Variants in TTF1 observed in about 807,000 individuals in gnomAD.
TTF1 encodes the protein transcription termination factor, RNA polymerase I.
Under a neutral mutation model 80.2 loss-of-function variants are expected in TTF1, and 64 were observed. That is an observed-to-expected ratio of 0.80 (90% CI 0.65 to 0.98). The LOEUF is 0.98. TTF1 is among the 50% of genes least tolerant of loss of function. TTF1 has a pLI of 0.00. For missense variants in TTF1, 1,023 were observed against 1,086.2 expected (o/e 0.94, Z 0.82); for synonymous variants, 372 against 382.7 (o/e 0.97, Z 0.33).
rs781358686 is a variant in TTF1, at chr9:132,400,068, C to T, written c.1558G>A (p.Asp520Asn). 15 of 1,614,190 alleles carry T rather than the reference C, an allele frequency of 9.3e-6. No individual in the cohort carries two copies. The East Asian group carries it at 1.1e-4, about 12-fold the overall frequency. Residue 520 changes from aspartate (D) to asparagine (N), a missense_variant, in exon 3 of 11, where the codon GAC becomes AAC. By Grantham distance (23) the Asp-to-Asn change is conservative. Transcript: ENST00000334270. ...TSTIKRMYRD[D>N]LERFKEFKAQ... is the part of the protein sequence containing the mutation. ...TTAAATTCCTTAAACCGTTCCAAGTCGTCCCGGTACATCCGCTTGATTGTG... is the reference window on the plus strand; with the variant it reads ...TTAAATTCCTTAAACCGTTCCAAGTTGTCCCGGTACATCCGCTTGATTGTG...
rs573189568 is a variant in TTF1 at position 132,391,931 on chromosome 9, A to G, written c.1987+145T>C. 259 of 1,354,032 alleles carry G rather than the reference A, an allele frequency of 1.9e-4. 1 individual carries two copies. The highest frequency in any genetic ancestry group is 2.5e-4 in the Non-Finnish European group (250 of 1,015,102). 83.9% of individuals were successfully genotyped at this position (1,354,032 alleles called of 1,614,324 possible). A position where few individuals can be genotyped will look rare whatever the true frequency, so the allele number is the denominator to read the frequency against. On this transcript the variant is annotated intron_variant, in intron 6 of 10. Transcript: ENST00000334270. ...CTAAACACACGAGGAAACCAAACAA[A>G]TTAGTATAGAGAACAGCTTAAGAAA... is the stretch of plus-strand genomic sequence containing the variant.
chr9:132,391,712 C>T (rs916306619), intron 6 of TTF1, among the ~76,000 whole-genome samples: 6 of 152,134 alleles, frequency 3.9e-5, no homozygotes, highest in Non-Finnish European at 7.4e-5. Flanking sequence ...GAAAAGTCCC[C>T]GCCTGACGGG....
chr9:132,398,168 T>C lies in TTF1; in HGVS notation c.1750A>G (p.Arg584Gly). 2 of 1,590,430 alleles carry C rather than the reference T, an allele frequency of 1.3e-6. No individual in the cohort carries two copies. The highest frequency in any genetic ancestry group is 1.7e-6 in the Non-Finnish European group (2 of 1,173,196). ...EEKSVITNLK[R>G]RYSFRLHIGR... Reference sequence around the variant, plus strand: ...ATGTGTAATCTAAACGAGTATCTCCTTTTTAAGTTGGTGATCACAGATTTT... The same window carrying C: ...ATGTGTAATCTAAACGAGTATCTCCCTTTTAAGTTGGTGATCACAGATTTT... Residue 584 changes from arginine to glycine, a missense_variant, in exon 4 of 11, where the codon AGG (arginine) becomes GGG (glycine). Transcript: ENST00000334270.
Position 132,402,148 on chromosome 9 carries a change from TTTTTC to T in TTF1, c.669_673del (p.Lys224ValfsTer3). The T allele has an allele frequency of 6.2e-7, 1 of 1,614,038 alleles. No homozygotes were observed. Among genetic ancestry groups the T allele is most frequent in the Non-Finnish European group, 8.5e-7 (1 of 1,180,002 alleles). The stretch of plus-strand genomic sequence containing the variant: ...TGTCTCATATTCCCGGTTACTGGAC[TTTTTC>T]TTTTTTTTCTTAGACTTGTTTTTAT... On this transcript the variant is annotated frameshift_variant, in exon 2 of 11. Coordinates refer to ENST00000334270, the MANE Select transcript of TTF1 (RefSeq NM_007344.4). LOFTEE classifies it high-confidence loss of function.
rs1214399761 is a variant in TTF1 at position 132,390,703 on chromosome 9, C to G, written c.2116G>C (p.Glu706Gln). 3.7e-6 allele frequency: 6 copies of G among 1,614,222 alleles called. No homozygotes were observed. The South Asian group carries it at 4.4e-5, about 12-fold the overall frequency. The change falls in exon 7 of 11, where the codon GAA becomes CAA. Residue 706 changes from glutamate to glutamine, a missense_variant. Glu to Gln is a conservative substitution (Grantham distance 29). Coordinates refer to ENST00000334270, the MANE Select transcript of TTF1 (RefSeq NM_007344.4). The part of the protein sequence containing the change: ...EVDSKLQENP[E>Q]SCLSIVREKL... ...TCCCGAACAATTGATAGGCAACTTT[C>G]AGGATTTTCTTGGAGTTTGGAATCC...
chr9:132,383,999 G>GTT (rs1229244751), intron 9 of TTF1, among the ~76,000 whole-genome samples: 1 of 152,134 alleles, frequency 6.6e-6, no homozygotes, highest in East Asian at 1.9e-4. Context: ...TTTGTAGAAT[G>GTT]TATTTCTAGA....
At chr9:132,405,186 ATTTCT>A (rs747897153) in intron 1 of TTF1, among the ~76,000 whole-genome samples, 65 of 149,016 alleles carry the variant, frequency 4.4e-4, no homozygotes, top group South Asian at 8.5e-4. Context: ...CCACTGGCTG[ATTTCT>A]TTTCTTTTCT....
intron 5 of TTF1, among the ~76,000 whole-genome samples, chr9:132,394,420 T>C (rs1849609772): frequency 6.6e-6 from 1 of 151,972 alleles, no homozygotes; most frequent in African/African-American, 2.4e-5. Context: ...GCTGGGATTA[T>C]AAGCGTTTGC....
Position 132,402,009 on chromosome 9 carries a change from G to C in TTF1, c.813C>G (p.His271Gln). ...DETPQLLGPT[H>Q]KKKSKKKKKK... ...TCTTTTTTTTCTTAGACTTTTTTTTGTGAGTAGGTCCTAGTAGTTGTGGAG... is the reference window on the plus strand; with the variant it reads ...TCTTTTTTTTCTTAGACTTTTTTTTCTGAGTAGGTCCTAGTAGTTGTGGAG... Residue 271 changes from histidine to glutamine, a missense_variant, in exon 2 of 11, where the codon CAC (histidine) becomes CAG (glutamine). Transcript: ENST00000334270. 2 of 1,613,116 alleles carry C rather than the reference G, an allele frequency of 1.2e-6. No homozygotes were observed. Among genetic ancestry groups the C allele is most frequent in the African/African-American group, 1.3e-5 (1 of 74,644 alleles).
At chr9:132,386,920 C>T (rs1453048674) in intron 8 of TTF1, among the ~76,000 whole-genome samples, 1 of 152,196 alleles carries the variant, frequency 6.6e-6, no homozygotes, top group Non-Finnish European at 1.5e-5. Context: ...TCAACATAGA[C>T]ACACAGTAAG....
intron 4 of TTF1, among the ~76,000 whole-genome samples, chr9:132,396,852 G>A (rs1031151798): frequency 1.3e-5 from 2 of 151,904 alleles, no homozygotes; most frequent in African/African-American, 4.8e-5. Context: ...ATTTTTAGTA[G>A]GGACGGGGTT....
At chr9:132,380,739 A>G (rs1319488274) in intron 9 of TTF1, among the ~76,000 whole-genome samples, 3 of 152,196 alleles carry the variant, frequency 2.0e-5, no homozygotes, top group African/African-American at 7.2e-5. Flanking sequence ...AACCTTCAAT[A>G]TAATTTTTAC....
At chr9:132,397,335 C>T (rs904941022) in intron 4 of TTF1, among the ~76,000 whole-genome samples, 6 of 152,194 alleles carry the variant, frequency 3.9e-5, no homozygotes, top group Non-Finnish European at 7.3e-5. Flanking sequence ...GCCTGCTTTT[C>T]TTCGTGGATT....
chr9:132,400,162 A>G lies in TTF1; in HGVS notation c.1464T>C (p.Asp488=). 1 of 1,614,176 alleles carries G rather than the reference A, an allele frequency of 6.2e-7. No individual in the cohort carries two copies. Among genetic ancestry groups the G allele is most frequent in the African/African-American group, 1.3e-5 (1 of 75,038 alleles). The change falls in exon 3 of 11, where the codon GAT becomes GAC. Residue 488 remains aspartate (D), a synonymous_variant. Transcript: ENST00000334270. The part of the protein sequence containing the change: ...SADSGDADDS[D]ADLGSAVKQL... ...GTTTCACGGCAGAACCCAAATCCGC[A>G]TCTGAATCATCGGCATCTCCTGAAT...
intron 9 of TTF1, 116 bp downstream of exon 9, chr9:132,386,440 T>G (rs1268616107): frequency 2.2e-6 from 2 of 905,398 alleles, no homozygotes; most frequent in Admixed American, 2.5e-5. Flanking sequence ...AACCACCACT[T>G]ATACAAAATT....
chr9:132,385,332 C>G (rs1017619709), intron 9 of TTF1, among the ~76,000 whole-genome samples: 1 of 152,316 alleles, frequency 6.6e-6, no homozygotes, highest in Non-Finnish European at 1.5e-5. Flanking sequence ...GGCTGAAAAC[C>G]AGAGAATTGC....
chr9:132,396,580 G>T (rs992722099), intron 4 of TTF1, 69 bp from the exon 5 acceptor site: 11 of 1,310,864 alleles, frequency 8.4e-6, no homozygotes, highest in Non-Finnish European at 1.2e-5. Flanking sequence ...AAGGAACCCA[G>T]AACAGCCCTT....
intron 9 of TTF1, among the ~76,000 whole-genome samples, chr9:132,381,247 G>A (rs1245586498): frequency 6.6e-6 from 1 of 151,524 alleles, no homozygotes; most frequent in Non-Finnish European, 1.5e-5. Flanking sequence ...AGGCTGGAGT[G>A]CAGTGACGCA....
chr9:132,388,064 A>C, intron 8 of TTF1, 75 bp downstream of exon 8: 1 of 1,189,040 alleles, frequency 8.4e-7, no homozygotes, highest in Middle Eastern at 2.0e-4. Context: ...CTCACTGCAG[A>C]CTCTGCTGGG....
Sources: gnomAD v4.1 joint callset for allele counts (sites outside exome capture counted in the v4.1 genomes callset) on GRCh38, gnomAD v4.1.1 for gene constraint, MANE v1.5 for transcripts, NCBI Gene and HGNC (gene_info 2026-07-23, HGNC 2026-07-21) for gene names.